The following TTLL9 variants were observed in gnomAD, a reference collection of about 807,000 sequenced individuals.
TTLL9 encodes the protein tubulin tyrosine ligase like 9.
A neutral mutation model predicts 65.6 loss-of-function variants in TTLL9; 47 were observed. The ratio of observed to expected loss-of-function variants is 0.72; its 90% CI spans 0.57 to 0.91. The LOEUF (loss-of-function observed/expected upper bound fraction) is 0.91. TTLL9 is among the 40% of genes least tolerant of loss of function. TTLL9 has a pLI of 0.00. For synonymous variants in TTLL9, 179 were observed against 204.8 expected (o/e 0.87, Z 1.07); for missense variants, 537 against 568.8 (o/e 0.94, Z 0.57).
At chr20:31,887,855 C>CTCTTCTCTTCTCTTCTCTT (rs2063214982) in intron 3 of TTLL9, among the ~76,000 whole-genome samples, 2 of 114,926 alleles carry the variant, frequency 1.7e-5, no homozygotes, top group Admixed American at 9.2e-5. Flanking sequence ...TATCTCCTCT[C>CTCTTCTCTTCTCTTCTCTT]CTCTTCTCTT....
At chr20:31,915,715 C>A (rs2063724545) in intron 6 of TTLL9, among the ~76,000 whole-genome samples, 1 of 151,474 alleles carries the variant, frequency 6.6e-6, no homozygotes, top group African/African-American at 2.4e-5. Context: ...CTCTTGGCTG[C>A]AAAATGGGGA....
At chr20:31,885,562 G>T (rs866798154) in intron 2 of TTLL9, among the ~76,000 whole-genome samples, 15 of 152,208 alleles carry the variant, frequency 9.9e-5, no homozygotes, top group African/African-American at 3.6e-4. Flanking sequence ...AGTGTTGGGG[G>T]AGTTGGAAGG....
At chr20:31,915,783 C>T (rs950715257) in intron 6 of TTLL9, among the ~76,000 whole-genome samples, 10 of 151,818 alleles carry the variant, frequency 6.6e-5, no homozygotes, top group Admixed American at 1.3e-4. Context: ...AATGAGGTAA[C>T]GTGTATAAAT....
chr20:31,912,482 GTA>G (rs1211585664), intron 6 of TTLL9, among the ~76,000 whole-genome samples: 1 of 152,158 alleles, frequency 6.6e-6, no homozygotes, highest in Non-Finnish European at 1.5e-5. Flanking sequence ...CCACCCCAGA[GTA>G]TGATTCAGTC....
intron 12 of TTLL9, among the ~76,000 whole-genome samples, chr20:31,936,008 G>A (rs895576517): frequency 1.3e-5 from 2 of 152,168 alleles, no homozygotes; most frequent in African/African-American, 4.8e-5. Context: ...TTCCTCATTT[G>A]TAAAATGGGA....
intron 2 of TTLL9, among the ~76,000 whole-genome samples, chr20:31,881,905 G>C (rs1466775633): frequency 6.6e-6 from 1 of 152,152 alleles, no homozygotes; most frequent in East Asian, 1.9e-4. Context: ...GGGTGTAGCA[G>C]ACCATGTTGG....
intron 2 of TTLL9, among the ~76,000 whole-genome samples, chr20:31,874,948 T>G (rs1386925414): frequency 6.6e-6 from 1 of 152,120 alleles, no homozygotes; most frequent in African/African-American, 2.4e-5. Context: ...CGAAAGAAAC[T>G]CAACCCTGCC....
chr20:31,931,078 C>CTTTTT (rs60315473), intron 10 of TTLL9, among the ~76,000 whole-genome samples: 1 of 125,238 alleles, frequency 8.0e-6, no homozygotes, highest in Non-Finnish European at 1.6e-5. Flanking sequence ...TCCTCTTTTC[C>CTTTTT]TTTTTTTTTT....
rs2062924402 is a variant in TTLL9 at position 31,871,173 on chromosome 20, T to C, written c.47T>C (p.Ile16Thr). 6 of 1,613,902 alleles carry C rather than the reference T, an allele frequency of 3.7e-6. No homozygotes were observed. Among genetic ancestry groups the C allele is most frequent in the Non-Finnish European group, 5.1e-6 (6 of 1,179,992 alleles). ...EALLGPGTTA[I>T]RCPKKLQNQN... ...CTGCTGGGACCAGGCACAACTGCCA[T>C]TAGGTGCCCCAAGAAATTACAGGTG... Residue 16 changes from isoleucine to threonine, a missense_variant, in exon 2 of 15, where the codon ATT becomes ACT. By Grantham distance (89) the Ile-to-Thr change is moderately conservative (BLOSUM62 -1). This residue lies in a region of TTLL9 where 320 missense variants were observed against 311.0 expected (regional missense o/e 1.03). Coordinates refer to ENST00000535842, the MANE Select transcript of TTLL9 (RefSeq NM_001008409.5).
chr20:31,876,244 C>T (rs1029357417), intron 2 of TTLL9, among the ~76,000 whole-genome samples: 2 of 152,044 alleles, frequency 1.3e-5, no homozygotes, highest in South Asian at 2.1e-4. Context: ...GTCAGGAGTT[C>T]GAGACCAGCC....
At chr20:31,918,420 G>A (rs1378802044) in intron 6 of TTLL9, among the ~76,000 whole-genome samples, 1 of 151,694 alleles carries the variant, frequency 6.6e-6, no homozygotes, top group Admixed American at 6.6e-5. Context: ...TGTTGCCCAG[G>A]CTGTGCAGTG....
intron 3 of TTLL9, among the ~76,000 whole-genome samples, chr20:31,888,995 A>G (rs768747159): frequency 1.3e-5 from 2 of 151,996 alleles, no homozygotes; most frequent in Non-Finnish European, 2.9e-5. Flanking sequence ...GAGGGGACAA[A>G]CATCCAAACC....
intron 3 of TTLL9, among the ~76,000 whole-genome samples, chr20:31,894,718 TATAC>T (rs1040473368): frequency 9.2e-5 from 13 of 141,954 alleles, no homozygotes; most frequent in African/African-American, 3.1e-4. Context: ...TATACATGTA[TATAC>T]ACACACACAC....
chr20:31,874,046 A>G (rs2063004563), intron 2 of TTLL9, among the ~76,000 whole-genome samples: 1 of 152,236 alleles, frequency 6.6e-6, no homozygotes, highest in African/African-American at 2.4e-5. Context: ...CTAAGGGGAA[A>G]GATACAAATT....
chr20:31,893,376 C>T (rs2063335756), intron 3 of TTLL9, among the ~76,000 whole-genome samples: 1 of 150,700 alleles, frequency 6.6e-6, no homozygotes, highest in Admixed American at 6.6e-5. Context: ...CTGCAACCTC[C>T]ACCTCCCAGG....
At chr20:31,905,244 T>TG (rs2063536052) in intron 4 of TTLL9, among the ~76,000 whole-genome samples, 1 of 151,948 alleles carries the variant, frequency 6.6e-6, no homozygotes, top group African/African-American at 2.4e-5. Context: ...CTAGTTTTTG[T>TG]GTTTTTTTTT....
At chr20:31,938,387 G>A (rs1206311467) in intron 13 of TTLL9, 1 of 358,142 alleles carries the variant, frequency 2.8e-6, no homozygotes, top group East Asian at 7.6e-5. Flanking sequence ...GAAAGAAGGT[G>A]AAATGGATGC....
At chr20:31,926,844 A>G (rs1204384231) in intron 10 of TTLL9, among the ~76,000 whole-genome samples, 2 of 152,212 alleles carry the variant, frequency 1.3e-5, no homozygotes, top group African/African-American at 4.8e-5. Context: ...GGTGGCTCAC[A>G]CCTGTAATTC....
intron 4 of TTLL9, among the ~76,000 whole-genome samples, chr20:31,899,410 G>T (rs1343233772): frequency 6.6e-6 from 1 of 152,180 alleles, no homozygotes; most frequent in Non-Finnish European, 1.5e-5. Flanking sequence ...CAGGAGGATT[G>T]CTTGAGTCCA....
Sources: gnomAD v4.1 joint callset for allele counts (sites outside exome capture counted in the v4.1 genomes callset) on GRCh38, gnomAD v4.1.1 for gene constraint, gnomAD v4.1.1 regional missense constraint, MANE v1.5 for transcripts, NCBI Gene and HGNC (gene_info 2026-07-23, HGNC 2026-07-21) for gene names.